PODN: variants seen among roughly 807,000 people sequenced by gnomAD.
PODN encodes the protein podocan.
PODN carries 40 observed loss-of-function variants against 52.7 expected under a neutral mutation model. The ratio of observed to expected loss-of-function variants is 0.76; its 90% CI spans 0.59 to 0.99. PODN has a LOEUF of 0.99. PODN is among the 50% of genes least tolerant of loss of function. PODN has a pLI of 0.00. For missense variants in PODN, 720 were observed against 815.1 expected (o/e 0.88, Z 1.42); for synonymous variants, 396 against 377.9 (o/e 1.05, Z -0.56).
rs1643966723 is a variant in PODN, at chr1:53,062,248, A to G, written c.-116A>G. ...GAAGGAGCCCGAGCCCGCGGAGCGC[A>G]GCTGAGACTGGGGGAGCGCGTTCGG... On this transcript the variant is annotated 5_prime_UTR_variant, in exon 1 of 11. Transcript: ENST00000312553. 7 of 1,275,270 alleles carry G rather than the reference A, an allele frequency of 5.5e-6. No individual in the cohort carries two copies. Among genetic ancestry groups the G allele is most frequent in the Middle Eastern group, 2.3e-4 (1 of 4,346 alleles). 79.0% of individuals were successfully genotyped at this position (1,275,270 alleles called of 1,614,324 possible). A position where few individuals can be genotyped will look rare whatever the true frequency, so the allele number is the denominator to read the frequency against.
intron 9 of PODN, 46 bp downstream of exon 9, chr1:53,080,922 C>T: frequency 1.2e-6 from 2 of 1,604,360 alleles, no homozygotes; most frequent in Non-Finnish European, 1.7e-6. Context: ...TGGGGCCCAC[C>T]CTGGCTCCAA....
chr1:53,082,619 A>G (rs576178836), intron 10 of PODN, among the ~76,000 whole-genome samples: 1 of 152,294 alleles, frequency 6.6e-6, no homozygotes, highest in African/African-American at 2.4e-5. Flanking sequence ...AAAACCCCAG[A>G]CTGCCGTGGG....
chr1:53,071,199 G>A (rs541501522), intron 2 of PODN: 15 of 197,964 alleles, frequency 7.6e-5, no homozygotes, highest in African/African-American at 3.0e-4. Flanking sequence ...TTCTGACTTG[G>A]GGAGCAGCTG....
At chr1:53,065,604 C>T (rs1249269232) in intron 1 of PODN, among the ~76,000 whole-genome samples, 1 of 152,208 alleles carries the variant, frequency 6.6e-6, no homozygotes, top group Non-Finnish European at 1.5e-5. Flanking sequence ...CCCAATTGCG[C>T]ACCCTCGTGT....
chr1:53,071,288 A>T (rs1363014997), intron 2 of PODN: 1 of 440,562 alleles, frequency 2.3e-6, no homozygotes, highest in Admixed American at 4.1e-5. Context: ...CTGCCCGTAG[A>T]TGTCCATGTG....
intron 3 of PODN, 60 bp downstream of exon 3, chr1:53,071,688 C>T (rs1190854929): frequency 1.5e-5 from 23 of 1,495,464 alleles, no homozygotes; most frequent in Admixed American, 1.8e-5. Flanking sequence ...GGGGCCTGAA[C>T]GATGCTGGGT....
intron 6 of PODN, 82 bp downstream of exon 6, chr1:53,077,428 A>C (rs1440910080): frequency 6.4e-7 from 1 of 1,557,644 alleles, no homozygotes; most frequent in Non-Finnish European, 8.7e-7. Context: ...GGAAGAGCTC[A>C]GGCCCACATG....
At chr1:53,066,654 G>T (rs1644037276) in intron 1 of PODN, among the ~76,000 whole-genome samples, 1 of 152,192 alleles carries the variant, frequency 6.6e-6, no homozygotes, top group South Asian at 2.1e-4. Flanking sequence ...GCGTAGCATT[G>T]TTGATATGAC....
chr1:53,077,759 CAACT>C lies in PODN; in HGVS notation c.815_818del (p.Asn272ThrfsTer2). Reference sequence around the variant, plus strand: ...GCCTGCGCGAGCTATACCTGCAGAACAACTACCTGACTGACGAGGGCCTGGACAA... The same window carrying C: ...GCCTGCGCGAGCTATACCTGCAGAACACCTGACTGACGAGGGCCTGGACAA... On this transcript the variant is annotated frameshift_variant, in exon 7 of 11. Transcript: ENST00000312553. LOFTEE classifies it high-confidence loss of function. 6.2e-7 allele frequency: 1 copy of C among 1,613,746 alleles called. No individual in the cohort carries two copies. The highest frequency in any genetic ancestry group is 8.5e-7 in the Non-Finnish European group (1 of 1,179,984).
At chr1:53,071,333 G>A (rs1644113827) in intron 2 of PODN, 2 of 565,248 alleles carry the variant, frequency 3.5e-6, no homozygotes, top group African/African-American at 3.8e-5. Context: ...CACTCCTGTT[G>A]TGATCACTGC....
Position 53,077,096 on chromosome 1 carries a change from G to A in PODN, c.582-94G>A, listed in dbSNP as rs565878996. On this transcript the variant is annotated intron_variant, in intron 5 of 10. Coordinates refer to ENST00000312553, the MANE Select transcript of PODN (RefSeq NM_153703.5). The stretch of plus-strand genomic sequence containing the variant: ...GTACCCTTGAGTTTGGATGGAAGGA[G>A]AGCAGCCTGGGCAAGGGTTTAGAGG... The A allele has an allele frequency of 3.3e-5, 48 of 1,467,218 alleles. No homozygotes were observed. In the East Asian group the frequency reaches 1.1e-3, roughly 33 times the overall value. 90.9% of individuals were successfully genotyped at this position (1,467,218 alleles called of 1,614,324 possible). A position where few individuals can be genotyped will look rare whatever the true frequency, so the allele number is the denominator to read the frequency against.
intron 3 of PODN, among the ~76,000 whole-genome samples, chr1:53,074,373 C>T (rs1263165471): frequency 2.0e-5 from 3 of 152,218 alleles, no homozygotes; most frequent in Non-Finnish European, 4.4e-5. Flanking sequence ...CCACTCAGAG[C>T]GAGGAGTTAG....
At chr1:53,077,478 C>A in intron 6 of PODN, 132 bp downstream of exon 6, 1 of 1,371,176 alleles carries the variant, frequency 7.3e-7, no homozygotes, top group Non-Finnish European at 9.9e-7. Context: ...GGGCTGACAG[C>A]AAGGAGTCTA....
In PODN at chr1:53,078,692, C is replaced by T; in HGVS notation, c.1182C>T (p.Gly394=). 1 of 1,613,362 alleles carries T rather than the reference C, an allele frequency of 6.2e-7. No homozygotes were observed. The change falls in exon 8 of 11, where the codon GGC becomes GGT. Residue 394 remains glycine (G), a synonymous_variant. Coordinates refer to ENST00000312553, the MANE Select transcript of PODN (RefSeq NM_153703.5). The part of the protein sequence containing the change: ...TLMILHNQIT[G]IGREDFATTY... The stretch of plus-strand genomic sequence containing the variant: ...TGATCCTGCACAACCAGATCACAGG[C>T]ATTGGCCGCGAAGACTTTGCCACCA...
Position 53,062,272 on chromosome 1 carries a change from G to A in PODN, c.-92G>A. 1 of 1,268,882 alleles carries A rather than the reference G, an allele frequency of 7.9e-7. No individual in the cohort carries two copies. The highest frequency in any genetic ancestry group is 1.0e-6 in the Non-Finnish European group (1 of 1,000,374). The allele number at this position is 1,268,882 out of a possible 1,614,324, so 78.6% of individuals were successfully genotyped here. Reference sequence around the variant, plus strand: ...CAGCTGAGACTGGGGGAGCGCGTTCGGCCTGTGGGGCGCCGCTCGGCGCCG... The same window carrying A: ...CAGCTGAGACTGGGGGAGCGCGTTCAGCCTGTGGGGCGCCGCTCGGCGCCG... On this transcript the variant is annotated 5_prime_UTR_variant, in exon 1 of 11. Transcript: ENST00000312553.
rs781742957 is a variant in PODN, at chr1:53,082,119, GGAGGAGGAA to G, written c.1809_1817del (p.Glu609_Glu611del). On this transcript the variant is annotated inframe_deletion, in exon 10 of 11. Coordinates refer to ENST00000312553, the MANE Select transcript of PODN (RefSeq NM_153703.5). ...GTGGCCGCTTGGGGAAGGAAAAGGA[GGAGGAGGAA>G]GAGGAGGAGGAGGAGGAAGAGGAAA... 4 of 1,613,350 alleles carry G rather than the reference GGAGGAGGAA, an allele frequency of 2.5e-6. No homozygotes were observed. The highest frequency in any genetic ancestry group is 2.7e-5 in the African/African-American group (2 of 74,712).
rs1644344281 is a variant in PODN, at chr1:53,085,115, G to A, written c.*630G>A. The A allele has an allele frequency of 6.6e-6, 1 of 152,292 alleles. No individual in the cohort carries two copies. Among genetic ancestry groups the A allele is most frequent in the South Asian group, 2.1e-4 (1 of 4,828 alleles). The allele number at this position is 152,292 out of a possible 1,614,324, so 9.4% of individuals were successfully genotyped here. A position where few individuals can be genotyped will look rare whatever the true frequency, so the allele number is the denominator to read the frequency against. ...TTCCTTTCCCATCCTATGGGGACAG[G>A]AGCCTTCAGGACTGCTGGCCTGGCC... On this transcript the variant is annotated 3_prime_UTR_variant, in exon 11 of 11. Transcript: ENST00000312553.
At chr1:53,082,589 C>G (rs959054399) in intron 10 of PODN, among the ~76,000 whole-genome samples, 5 of 152,150 alleles carry the variant, frequency 3.3e-5, no homozygotes, top group Non-Finnish European at 5.9e-5. Context: ...TGAGACAGAG[C>G]AGTTAGGAAA....
intron 3 of PODN, among the ~76,000 whole-genome samples, chr1:53,072,648 C>A (rs1644135906): frequency 6.6e-6 from 1 of 152,226 alleles, no homozygotes; most frequent in Non-Finnish European, 1.5e-5. Flanking sequence ...CAAAGGTCTG[C>A]CTGCCTCCTT....
Sources: allele counts gnomAD v4.1 joint callset (sites outside exome capture counted in the v4.1 genomes callset), GRCh38; gene constraint gnomAD v4.1.1; transcripts MANE v1.5; gene names NCBI Gene and HGNC (gene_info 2026-07-23, HGNC 2026-07-21).